Variants in IFT80 observed in about 807,000 individuals in gnomAD.
The protein encoded by IFT80 is intraflagellar transport 80.
Under a neutral mutation model 107.9 loss-of-function variants are expected in IFT80, and 79 were observed. That is an observed-to-expected ratio of 0.73 (90% confidence interval 0.61 to 0.88). The LOEUF (loss-of-function observed/expected upper bound fraction) is 0.88, where lower values mean the gene tolerates loss of function less well. Among genes scored for constraint, IFT80 ranks in the 40% least tolerant of loss-of-function variants. IFT80 has a pLI of 0.00. For synonymous variants in IFT80, 299 were observed against 300.9 expected (o/e 0.99, Z 0.07); for missense variants, 797 against 914.2 (o/e 0.87, Z 1.65).
At chr3:160,260,861 T>TC (rs1712768125) in intron 19 of IFT80, among the ~76,000 whole-genome samples, 1 of 152,172 alleles carries the variant, frequency 6.6e-6, no homozygotes, top group Non-Finnish European at 1.5e-5. Flanking sequence ...CTCTTTCTCT[T>TC]CCTCTCAGCT....
At chr3:160,271,824 A>G (rs902102210) in intron 18 of IFT80, among the ~76,000 whole-genome samples, 3 of 152,102 alleles carry the variant, frequency 2.0e-5, no homozygotes, top group Non-Finnish European at 4.4e-5. Context: ...TGTAAGCTCA[A>G]ATTAATAGAT....
chr3:160,271,179 T>TA (rs1024559924), intron 18 of IFT80, among the ~76,000 whole-genome samples: 29 of 152,168 alleles, frequency 1.9e-4, no homozygotes, highest in African/African-American at 6.3e-4. Flanking sequence ...ACATACTGGG[T>TA]AAAAAAATGT....
At chr3:160,386,435 G>A (rs1712939042) in intron 1 of IFT80, among the ~76,000 whole-genome samples, 1 of 152,112 alleles carries the variant, frequency 6.6e-6, no homozygotes, top group Non-Finnish European at 1.5e-5. Flanking sequence ...GCAGGGGTTG[G>A]GTTTAGATAA....
chr3:160,338,856 C>T (rs1321898708), intron 8 of IFT80, among the ~76,000 whole-genome samples: 1 of 152,136 alleles, frequency 6.6e-6, no homozygotes, highest in Non-Finnish European at 1.5e-5. Context: ...CTACATTCTG[C>T]TCCCTAGAAC....
intron 1 of IFT80, among the ~76,000 whole-genome samples, chr3:160,389,948 C>T (rs1713239571): frequency 6.6e-6 from 1 of 152,146 alleles, no homozygotes; most frequent in Non-Finnish European, 1.5e-5. Flanking sequence ...GTCCCACCAA[C>T]AGTGTAAAAG....
chr3:160,299,203 GT>G, intron 12 of IFT80: 1 of 1,111,102 alleles, frequency 9.0e-7, no homozygotes, highest in Non-Finnish European at 1.1e-6. Context: ...ATTCCATTCT[GT>G]TTTCCTCTTT....
rs776540844 is a variant in IFT80, at chr3:160,280,814, C to A, written c.1517G>T (p.Gly506Val). The A allele has an allele frequency of 7.4e-6, 12 of 1,611,640 alleles. No individual in the cohort carries two copies. The highest frequency in any genetic ancestry group is 1.0e-5 in the Non-Finnish European group (12 of 1,178,654). Reference sequence around the variant, plus strand: ...CCATGCCAAAGTATGCACCATTGTTCCTTAATTTAAAAAGAATGTTAATGT... The same window carrying A: ...CCATGCCAAAGTATGCACCATTGTTACTTAATTTAAAAAGAATGTTAATGT... ...FGKEEQIIKLGTMVHTLAWND... is the reference protein window; with the variant it reads ...FGKEEQIIKLVTMVHTLAWND... Residue 506 changes from glycine to valine, a missense_variant and splice_region_variant, in exon 15 of 20, where the codon GGA (glycine) becomes GTA (valine). Physicochemically the swap from Gly to Val is moderately radical, Grantham distance 109 (BLOSUM62 -3). Coordinates refer to ENST00000326448, the MANE Select transcript of IFT80 (RefSeq NM_020800.3).
chr3:160,383,871 T>C, intron 2 of IFT80: 1 of 985,388 alleles, frequency 1.0e-6, no homozygotes, highest in Non-Finnish European at 1.2e-6. Context: ...CTTCACTTTA[T>C]CATGAATGTA....
chr3:160,291,397 T>C (rs895815394), intron 12 of IFT80, among the ~76,000 whole-genome samples: 13 of 152,268 alleles, frequency 8.5e-5, no homozygotes, highest in African/African-American at 2.4e-4. Flanking sequence ...TACTGGGAAA[T>C]GCAAAAAGTT....
intron 19 of IFT80, among the ~76,000 whole-genome samples, chr3:160,261,137 C>A (rs1712792782): frequency 6.6e-6 from 1 of 152,130 alleles, no homozygotes; most frequent in Non-Finnish European, 1.5e-5. Context: ...ATGCTGTCTT[C>A]TCCCTGCAAG....
At chr3:160,288,126 CA>C (rs1715240674) in intron 12 of IFT80, among the ~76,000 whole-genome samples, 1 of 152,148 alleles carries the variant, frequency 6.6e-6, no homozygotes, top group African/African-American at 2.4e-5. Context: ...GGGTGGATCA[CA>C]AGGTCAGGAG....
At chr3:160,295,736 A>C (rs558893292) in intron 12 of IFT80, among the ~76,000 whole-genome samples, 7 of 152,356 alleles carry the variant, frequency 4.6e-5, no homozygotes, top group African/African-American at 1.7e-4. Context: ...ATCAAGATGT[A>C]GAAACAACCT....
chr3:160,396,226 A>G (rs1020469761), intron 1 of IFT80, among the ~76,000 whole-genome samples: 2 of 152,094 alleles, frequency 1.3e-5, no homozygotes, highest in African/African-American at 2.4e-5. Flanking sequence ...GGTAACATTA[A>G]TATACCAAGG....
At chr3:160,341,228 TCTTG>T (rs1353642385) in intron 8 of IFT80, among the ~76,000 whole-genome samples, 4 of 152,050 alleles carry the variant, frequency 2.6e-5, no homozygotes, top group African/African-American at 9.7e-5. Context: ...CCCAGGCTGG[TCTTG>T]AACTCTTGGA....
At chr3:160,381,390 T>C in intron 3 of IFT80, 113 bp downstream of exon 3, 2 of 800,226 alleles carry the variant, frequency 2.5e-6, no homozygotes, top group Non-Finnish European at 2.1e-6. Context: ...AATATGTGGA[T>C]AAAAATATGC....
Position 160,282,539 on chromosome 3 carries a change from A to G in IFT80, c.1455T>C (p.Asn485=), listed in dbSNP as rs1257847613. Residue 485 remains asparagine, a synonymous_variant, in exon 14 of 20, where the codon AAT becomes AAC. Transcript: ENST00000326448. ...TCACAGAAGTGATACAGAGATCTCT[A>G]TTTTTATCAATGAAAGCAATTTTTC... ...NDRKIAFIDK[N]RDLCITSVKR... is the part of the protein sequence containing the mutation. 1 of 1,594,202 alleles carries G rather than the reference A, an allele frequency of 6.3e-7. No homozygotes were observed. Among genetic ancestry groups the G allele is most frequent in the Admixed American group, 1.7e-5 (1 of 59,330 alleles).
At chr3:160,300,177 C>G (rs1559926758) in intron 12 of IFT80, among the ~76,000 whole-genome samples, 1 of 152,096 alleles carries the variant, frequency 6.6e-6, no homozygotes, top group African/African-American at 2.4e-5. Flanking sequence ...GTATCATTAC[C>G]TGACAATTTA....
chr3:160,321,406 T>C lies in IFT80; in HGVS notation c.778-1467A>G, dbSNP rs967230861. 4.3e-4 allele frequency among the ~76,000 whole-genome samples: 65 copies of C among 151,956 alleles called. 1 individual carries two copies. Among genetic ancestry groups the C allele is most frequent in the African/African-American group, 1.5e-3 (63 of 41,402 alleles). The stretch of plus-strand genomic sequence containing the variant: ...TGGCATCTCTCTCTCTCTTTCTAAA[T>C]CTAGTCTATCCTCATGGTGTAGAAG... On this transcript the variant is annotated intron_variant, in intron 8 of 19. Coordinates refer to ENST00000326448, the MANE Select transcript of IFT80 (RefSeq NM_020800.3).
intron 5 of IFT80, 121 bp from the exon 6 acceptor site, chr3:160,366,273 T>C (rs991377228): frequency 1.5e-5 from 11 of 714,592 alleles, no homozygotes; most frequent in South Asian, 3.1e-5. Flanking sequence ...TTCTTCTCTT[T>C]TCAATGGACC....
Sources: gnomAD v4.1 joint callset for allele counts (sites outside exome capture counted in the v4.1 genomes callset) on GRCh38, gnomAD v4.1.1 for gene constraint, MANE v1.5 for transcripts, NCBI Gene and HGNC (gene_info 2026-07-23, HGNC 2026-07-21) for gene names.